The following FGF12 variants were observed in gnomAD, a reference collection of about 807,000 sequenced individuals.
FGF12 encodes the protein fibroblast growth factor 12B.
A neutral mutation model predicts 23.6 loss-of-function variants in FGF12; 14 were observed. The observed-to-expected ratio is 0.59, with a 90% CI of 0.39 to 0.93. The LOEUF is 0.93. Ranked by LOEUF, FGF12 falls within the 40% of genes least tolerant of loss-of-function variation. The probability of loss-of-function intolerance (pLI) is 0.00; values close to 1 mark genes in which losing one functional copy is unlikely to be tolerated. For synonymous variants in FGF12, 62 were observed against 77.3 expected, an observed-to-expected ratio of 0.80 and a Z score of 1.04; for missense variants, 175 against 217.8, an observed-to-expected ratio of 0.80 and a Z score of 1.24.
At chr3:192,431,436 A>G (rs991770722) in intron 2 of FGF12, among the ~76,000 whole-genome samples, 2 of 152,242 alleles carry the variant, frequency 1.3e-5, no homozygotes, top group African/African-American at 4.8e-5. Flanking sequence ...AGGAGAATTT[A>G]AAAAGCATAT....
At chr3:192,648,135 A>AAT (rs1286337737) in intron 2 of FGF12, among the ~76,000 whole-genome samples, 1 of 152,116 alleles carries the variant, frequency 6.6e-6, no homozygotes, top group Non-Finnish European at 1.5e-5. Flanking sequence ...CATCAAGTCC[A>AAT]ATACATTCTG....
At chr3:192,288,366 C>T (rs547573633) in intron 4 of FGF12, among the ~76,000 whole-genome samples, 80 of 152,132 alleles carry the variant, frequency 5.3e-4, no homozygotes, top group Non-Finnish European at 6.6e-4. Context: ...ATCTAGGTAT[C>T]GTTTAAGAGA....
intron 2 of FGF12, among the ~76,000 whole-genome samples, chr3:192,724,570 G>A (rs74339546): frequency 0.014 from 2,108 of 152,178 alleles, 51 homozygotes; most frequent in African/African-American, 0.049. Flanking sequence ...AGAGCTGCTC[G>A]GACTGCGTAC....
chr3:192,531,524 G>GA (rs1183312546), intron 2 of FGF12, among the ~76,000 whole-genome samples: 2 of 151,872 alleles, frequency 1.3e-5, no homozygotes, highest in African/African-American at 2.4e-5. Context: ...AGTACATTCC[G>GA]AAAAAAGAGG....
intron 2 of FGF12, among the ~76,000 whole-genome samples, chr3:192,392,294 A>G (rs1313858784): frequency 6.6e-6 from 1 of 151,990 alleles, no homozygotes; most frequent in Non-Finnish European, 1.5e-5. Flanking sequence ...TAAGGCTGTG[A>G]GCAGTGGCTC....
chr3:192,649,123 A>G (rs1414202463), intron 2 of FGF12, among the ~76,000 whole-genome samples: 2 of 152,224 alleles, frequency 1.3e-5, no homozygotes, highest in Admixed American at 6.5e-5. Flanking sequence ...TTAGCTCTCA[A>G]ATCAATACGC....
intron 2 of FGF12, among the ~76,000 whole-genome samples, chr3:192,367,641 T>G (rs377439244): frequency 1.3e-5 from 2 of 152,156 alleles, no homozygotes; most frequent in African/African-American, 4.8e-5. Context: ...TACTGATCTA[T>G]GGGGATTCAG....
chr3:192,564,051 GT>G (rs1217179666), intron 2 of FGF12, among the ~76,000 whole-genome samples: 1 of 151,028 alleles, frequency 6.6e-6, no homozygotes, highest in African/African-American at 2.4e-5. Context: ...TTTTTTGTTT[GT>G]TTTTTGTTTT....
intron 4 of FGF12, among the ~76,000 whole-genome samples, chr3:192,195,738 G>A (rs951154984): frequency 2.0e-5 from 3 of 152,028 alleles, no homozygotes; most frequent in Non-Finnish European, 2.9e-5. Flanking sequence ...ATGTATGTAT[G>A]TGTATATATG....
intron 2 of FGF12, among the ~76,000 whole-genome samples, chr3:192,556,085 A>G (rs6803883): frequency 0.21 from 31,718 of 152,068 alleles, 3,966 homozygotes; most frequent in Middle Eastern, 0.37. Context: ...ACAAGGGAAG[A>G]CAACAAGAGA....
chr3:192,583,704 A>G (rs1713256381), intron 2 of FGF12, among the ~76,000 whole-genome samples: 2 of 152,208 alleles, frequency 1.3e-5, no homozygotes, highest in Admixed American at 1.3e-4. Context: ...TGGTGCTTCC[A>G]CACTCAGACA....
chr3:192,200,545 G>A (rs1426897194), intron 4 of FGF12, among the ~76,000 whole-genome samples: 1 of 152,098 alleles, frequency 6.6e-6, no homozygotes, highest in Non-Finnish European at 1.5e-5. Context: ...CTCCCACATT[G>A]TTTCCCCCAT....
intron 2 of FGF12, among the ~76,000 whole-genome samples, chr3:192,425,681 C>T (rs1196507329): frequency 2.6e-5 from 4 of 152,028 alleles, no homozygotes; most frequent in Non-Finnish European, 4.4e-5. Context: ...AAATCACTAG[C>T]GAATAGAATG....
At position 192,245,772 on chromosome 3, in the gene FGF12, G is replaced by A. The variant is rs190230675; in HGVS notation, c.229-75116C>T. Among the ~76,000 whole-genome samples, 335 of 152,296 alleles carry A rather than the reference G, an allele frequency of 2.2e-3. 2 individuals carry two copies. The highest frequency in any genetic ancestry group is 5.5e-3 in the African/African-American group (229 of 41,580). ...GGCAAGAGGCTAGGAGAAGGAGGCA[G>A]TAACAATGCCTGGGGAGACTCAGAG... On this transcript the variant is annotated intron_variant, in intron 4 of 5. Coordinates refer to ENST00000445105, the MANE Select transcript of FGF12 (RefSeq NM_004113.6).
rs572415704 is a variant in FGF12 at position 192,320,719 on chromosome 3, C to T, written c.228+14642G>A. Among the ~76,000 whole-genome samples the T allele has an allele frequency of 7.5e-4, 114 of 151,970 alleles. 1 individual carries two copies. The highest frequency in any genetic ancestry group is 2.6e-3 in the African/African-American group (109 of 41,488). The stretch of plus-strand genomic sequence containing the variant: ...ATAATATGCTCCTGAATATTTCTTA[C>T]TCAATAAAGAAATTAAGAAATAAAT... On this transcript the variant is annotated intron_variant, in intron 4 of 5. Transcript: ENST00000445105.
At chr3:192,147,594 T>C (rs376003324) in intron 5 of FGF12, among the ~76,000 whole-genome samples, 1 of 152,190 alleles carries the variant, frequency 6.6e-6, no homozygotes, top group African/African-American at 2.4e-5. Context: ...CAATTTTAAA[T>C]TGATTAACTA....
intron 2 of FGF12, among the ~76,000 whole-genome samples, chr3:192,510,539 G>A (rs1724437757): frequency 1.3e-5 from 2 of 152,152 alleles, no homozygotes; most frequent in African/African-American, 4.8e-5. Flanking sequence ...ATATGCTACA[G>A]CAACTTTGAA....
intron 2 of FGF12, among the ~76,000 whole-genome samples, chr3:192,397,052 A>G (rs1276481994): frequency 6.6e-6 from 1 of 152,188 alleles, no homozygotes; most frequent in African/African-American, 2.4e-5. Context: ...AACCCAGAAA[A>G]TGCACTCGGG....
chr3:192,437,688 C>T (rs1019810188), intron 2 of FGF12, among the ~76,000 whole-genome samples: 3 of 151,216 alleles, frequency 2.0e-5, no homozygotes, highest in African/African-American at 7.4e-5. Context: ...AAGACTCCAT[C>T]TCAAAAAACA....
Sources: gnomAD v4.1 joint callset for allele counts (sites outside exome capture counted in the v4.1 genomes callset) on GRCh38, gnomAD v4.1.1 for gene constraint, MANE v1.5 for transcripts, NCBI Gene and HGNC (gene_info 2026-07-23, HGNC 2026-07-21) for gene names.